The following STPG2 variants were observed in gnomAD, a reference collection of about 807,000 sequenced individuals.
STPG2 encodes sperm tail PG-rich repeat containing 2.
STPG2 carries 56 observed loss-of-function variants against 54.2 expected under a neutral mutation model. The observed-to-expected ratio is 1.03, with a 90% CI of 0.83 to 1.29. The LOEUF is 1.29. Among genes scored for constraint, STPG2 ranks in the 50% most tolerant of loss-of-function variants. The pLI, the probability that STPG2 is intolerant of heterozygous loss-of-function variation, is 0.00. For missense variants in STPG2, 596 were observed against 544.9 expected (o/e 1.09, Z -0.93); for synonymous variants, 200 against 181.8 (o/e 1.10, Z -0.81).
chr4:97,446,458 G>A (rs1729224196), intron 4 of STPG2, among the ~76,000 whole-genome samples: 1 of 152,170 alleles, frequency 6.6e-6, no homozygotes, highest in African/African-American at 2.4e-5. Context: ...ATTGTGTATG[G>A]CAGTTAACTT....
intron 8 of STPG2, among the ~76,000 whole-genome samples, chr4:97,911,227 T>C (rs1308601603): frequency 6.6e-6 from 1 of 152,190 alleles, no homozygotes; most frequent in Non-Finnish European, 1.5e-5. Context: ...CAGCGGCTGA[T>C]CTGGCACACA....
intron 9 of STPG2, among the ~76,000 whole-genome samples, chr4:97,779,025 C>T (rs1726495833): frequency 6.6e-6 from 1 of 152,146 alleles, no homozygotes; most frequent in African/African-American, 2.4e-5. Context: ...ATCAGAGCAC[C>T]TCCTCCCCTG....
intron 9 of STPG2, among the ~76,000 whole-genome samples, chr4:97,828,488 C>A (rs115106142): frequency 6.6e-6 from 1 of 151,940 alleles, no homozygotes; most frequent in African/African-American, 2.4e-5. Flanking sequence ...AAGCTAGCTG[C>A]GGGAGATTTT....
intron 6 of STPG2, among the ~76,000 whole-genome samples, chr4:97,975,090 A>G (rs1734457394): frequency 6.6e-6 from 1 of 152,226 alleles, no homozygotes; most frequent in African/African-American, 2.4e-5. Flanking sequence ...TTTAGAAAAG[A>G]TAAAATCATA....
At chr4:97,562,794 A>G (rs1193375913) in intron 10 of STPG2, among the ~76,000 whole-genome samples, 1 of 151,700 alleles carries the variant, frequency 6.6e-6, no homozygotes, top group African/African-American at 2.4e-5. Flanking sequence ...GATGAAGCCC[A>G]CTTGATCACG....
chr4:97,449,094 T>C (rs1729301079), intron 4 of STPG2, among the ~76,000 whole-genome samples: 1 of 151,930 alleles, frequency 6.6e-6, no homozygotes, highest in Non-Finnish European at 1.5e-5. Context: ...AAATAAAATA[T>C]ATAAAAGTTA....
chr4:97,442,051 T>C, intron 4 of STPG2, among the ~76,000 whole-genome samples: 1 of 151,120 alleles, frequency 6.6e-6, no homozygotes, highest in African/African-American at 2.4e-5. Flanking sequence ...CAGAAATACC[T>C]TTTTTTTCAC....
chr4:97,806,869 C>T (rs1298866079), intron 9 of STPG2, among the ~76,000 whole-genome samples: 2 of 152,040 alleles, frequency 1.3e-5, no homozygotes, highest in Admixed American at 6.6e-5. Context: ...AAGATTGCTG[C>T]CTCAAAACAT....
At chr4:97,899,617 A>C (rs1036298819) in intron 8 of STPG2, among the ~76,000 whole-genome samples, 5 of 152,174 alleles carry the variant, frequency 3.3e-5, no homozygotes, top group Non-Finnish European at 1.5e-5. Context: ...ATAGTACAAA[A>C]ACAGGCACAT....
intron 8 of STPG2, among the ~76,000 whole-genome samples, chr4:97,871,757 C>A (rs1729997638): frequency 6.6e-6 from 1 of 150,724 alleles, no homozygotes; most frequent in Admixed American, 6.6e-5. Context: ...TGTTCTAAGG[C>A]ATAGAAAATG....
intron 9 of STPG2, among the ~76,000 whole-genome samples, chr4:97,746,727 A>C (rs1274439383): frequency 6.6e-6 from 1 of 151,274 alleles, no homozygotes; most frequent in African/African-American, 2.4e-5. Flanking sequence ...TTGCTGTTAA[A>C]TAACTTTTCT....
At chr4:97,699,335 G>C (rs1723690936) in intron 10 of STPG2, among the ~76,000 whole-genome samples, 1 of 152,112 alleles carries the variant, frequency 6.6e-6, no homozygotes, top group African/African-American at 2.4e-5. Context: ...CCACAGAATG[G>C]GTCATACTAT....
intron 8 of STPG2, among the ~76,000 whole-genome samples, chr4:97,902,715 T>A (rs538941618): frequency 6.6e-6 from 1 of 152,208 alleles, no homozygotes; most frequent in East Asian, 1.9e-4. Flanking sequence ...ATTGGTACAG[T>A]CATTATGGAA....
At chr4:97,908,610 C>A (rs1731545986) in intron 8 of STPG2, among the ~76,000 whole-genome samples, 1 of 151,842 alleles carries the variant, frequency 6.6e-6, no homozygotes, top group Admixed American at 6.6e-5. Flanking sequence ...GACTTGGAAC[C>A]AACCCAAATG....
intron 7 of STPG2, among the ~76,000 whole-genome samples, chr4:97,950,787 C>T (rs945545602): frequency 6.6e-6 from 1 of 152,162 alleles, no homozygotes; most frequent in African/African-American, 2.4e-5. Flanking sequence ...GAAACAAAGA[C>T]AATAACAGCC....
intron 8 of STPG2, among the ~76,000 whole-genome samples, chr4:97,935,322 CA>C (rs1402139563): frequency 6.6e-6 from 1 of 151,992 alleles, no homozygotes; most frequent in Non-Finnish European, 1.5e-5. Flanking sequence ...ATAATTTTTT[CA>C]AAAACCCAGC....
intron 5 of STPG2, among the ~76,000 whole-genome samples, chr4:98,003,460 C>T (rs906065763): frequency 2.0e-5 from 3 of 151,850 alleles, no homozygotes; most frequent in Non-Finnish European, 4.4e-5. Flanking sequence ...ATTCCAGACT[C>T]AAGCTATTTG....
chr4:97,782,465 G>T (rs552734942), intron 9 of STPG2, among the ~76,000 whole-genome samples: 2 of 152,068 alleles, frequency 1.3e-5, no homozygotes, highest in Non-Finnish European at 2.9e-5. Context: ...CATGCTCATG[G>T]ATAGGAAGAA....
chr4:97,805,500 C>T (rs1380180928), intron 9 of STPG2, among the ~76,000 whole-genome samples: 3 of 152,110 alleles, frequency 2.0e-5, no homozygotes, highest in Non-Finnish European at 1.5e-5. Context: ...CGTGAGCCAC[C>T]GCACCCAGCC....
Sources: gnomAD v4.1 joint callset for allele counts (sites outside exome capture counted in the v4.1 genomes callset) on GRCh38, gnomAD v4.1.1 for gene constraint, MANE v1.5 for transcripts, NCBI Gene and HGNC (gene_info 2026-07-23, HGNC 2026-07-21) for gene names.